Variants in HS3ST4 observed in about 807,000 individuals in gnomAD.
HS3ST4 encodes heparan sulfate glucosamine 3-O-sulfotransferase 4.
HS3ST4 carries 17 observed loss-of-function variants against 29.2 expected under a neutral mutation model. That is an observed-to-expected ratio of 0.58 (90% CI 0.40 to 0.87). The LOEUF (loss-of-function observed/expected upper bound fraction) is 0.87, where lower values mean the gene tolerates loss of function less well. Ranked by LOEUF, HS3ST4 falls within the 40% of genes least tolerant of loss-of-function variation. The pLI, the probability that HS3ST4 is intolerant of heterozygous loss-of-function variation, is 0.00. For missense variants in HS3ST4, 627 were observed against 634.5 expected, an observed-to-expected ratio of 0.99 and a Z score of 0.13; for synonymous variants, 314 against 285.7, an observed-to-expected ratio of 1.10 and a Z score of -1.00.
At chr16:26,118,056 A>G (rs1446651231) in intron 1 of HS3ST4, among the ~76,000 whole-genome samples, 1 of 152,188 alleles carries the variant, frequency 6.6e-6, no homozygotes, top group African/African-American at 2.4e-5. Flanking sequence ...TGGTCACAGA[A>G]AGTCTCTCTT....
At chr16:25,758,676 TG>T (rs1966771686) in intron 1 of HS3ST4, among the ~76,000 whole-genome samples, 3 of 152,068 alleles carry the variant, frequency 2.0e-5, no homozygotes, top group Admixed American at 6.5e-5. Flanking sequence ...GTGTTTGATT[TG>T]AAGCTTGGTG....
intron 1 of HS3ST4, among the ~76,000 whole-genome samples, chr16:26,010,833 A>G (rs551324924): frequency 2.1e-4 from 32 of 152,332 alleles, no homozygotes; most frequent in Non-Finnish European, 1.5e-4. Context: ...AAAAGAAAGT[A>G]TGTTTTAAAG....
In HS3ST4 at chr16:25,782,073, G is replaced by A. The variant is rs191272944; in HGVS notation, c.734+88922G>A. Among the ~76,000 whole-genome samples the A allele has an allele frequency of 3.9e-5, 6 of 152,318 alleles. No individual in the cohort carries two copies. The East Asian group carries it at 1.2e-3, about 29-fold the overall frequency. ...GAAATTTACAATCATGGCAGAAGGT[G>A]AAGGGGAAGCAAGACACCTTCTTCA... On this transcript the variant is annotated intron_variant, in intron 1 of 1. Coordinates refer to ENST00000331351, the MANE Select transcript of HS3ST4 (RefSeq NM_006040.3).
chr16:25,925,826 C>T (rs1034665526), intron 1 of HS3ST4, among the ~76,000 whole-genome samples: 2 of 152,098 alleles, frequency 1.3e-5, no homozygotes, highest in African/African-American at 2.4e-5. Context: ...AGCCCCATGC[C>T]TCGTGGCTTG....
intron 1 of HS3ST4, among the ~76,000 whole-genome samples, chr16:25,880,198 A>C (rs1463067969): frequency 6.6e-6 from 1 of 152,188 alleles, no homozygotes; most frequent in Non-Finnish European, 1.5e-5. Flanking sequence ...TATATTAGTC[A>C]GTAGGTTGTT....
At chr16:25,711,291 C>T (rs916720422) in intron 1 of HS3ST4, among the ~76,000 whole-genome samples, 3 of 152,018 alleles carry the variant, frequency 2.0e-5, no homozygotes, top group Non-Finnish European at 4.4e-5. Context: ...TCAGAGACTG[C>T]ATGACTTAGC....
intron 1 of HS3ST4, among the ~76,000 whole-genome samples, chr16:26,000,358 C>T (rs1969202055): frequency 6.6e-6 from 1 of 152,066 alleles, no homozygotes; most frequent in African/African-American, 2.4e-5. Context: ...GCCCTTCCTC[C>T]ACAGATTCAA....
intron 1 of HS3ST4, among the ~76,000 whole-genome samples, chr16:26,025,885 C>T (rs929925560): frequency 2.6e-5 from 4 of 152,186 alleles, no homozygotes; most frequent in Non-Finnish European, 5.9e-5. Context: ...AAACAATTCT[C>T]CTGCCTCAGC....
intron 1 of HS3ST4, among the ~76,000 whole-genome samples, chr16:25,753,902 G>A (rs1446849466): frequency 6.6e-6 from 1 of 152,138 alleles, no homozygotes; most frequent in African/African-American, 2.4e-5. Flanking sequence ...GGTAGGTATA[G>A]ATCTATAGCA....
At chr16:25,965,416 GT>G in intron 1 of HS3ST4, among the ~76,000 whole-genome samples, 1 of 146,446 alleles carries the variant, frequency 6.8e-6, no homozygotes, top group African/African-American at 2.5e-5. Context: ...AAAAAAAAAA[GT>G]TCCTATAAAT....
At chr16:25,922,226 C>A (rs1442019532) in intron 1 of HS3ST4, among the ~76,000 whole-genome samples, 1 of 152,096 alleles carries the variant, frequency 6.6e-6, no homozygotes, top group African/African-American at 2.4e-5. Context: ...GAAACCTAAT[C>A]CCTGGTGTGA....
intron 1 of HS3ST4, among the ~76,000 whole-genome samples, chr16:26,130,442 C>T (rs1309524984): frequency 6.6e-6 from 1 of 152,110 alleles, no homozygotes; most frequent in Non-Finnish European, 1.5e-5. Flanking sequence ...TGTTTTTCAT[C>T]CAGTAACCAC....
intron 1 of HS3ST4, among the ~76,000 whole-genome samples, chr16:25,887,257 T>A (rs1967963008): frequency 6.6e-6 from 1 of 152,152 alleles, no homozygotes; most frequent in African/African-American, 2.4e-5. Flanking sequence ...ATATCATTTA[T>A]TCAGGAGGGA....
chr16:26,134,639 T>G (rs1898257035), intron 1 of HS3ST4, among the ~76,000 whole-genome samples: 1 of 152,044 alleles, frequency 6.6e-6, no homozygotes, highest in Non-Finnish European at 1.5e-5. Context: ...GGATTTGAGG[T>G]AGGTTTTAGG....
At chr16:25,749,519 AGAAGAGGGAGAG>A (rs1407026297) in intron 1 of HS3ST4, among the ~76,000 whole-genome samples, 2 of 152,004 alleles carry the variant, frequency 1.3e-5, no homozygotes, top group Non-Finnish European at 2.9e-5. Flanking sequence ...AAGAGAAAGA[AGAAGAGGGAGAG>A]GAAGAGGAAG....
At chr16:25,857,748 A>G (rs1967587915) in intron 1 of HS3ST4, among the ~76,000 whole-genome samples, 1 of 152,194 alleles carries the variant, frequency 6.6e-6, no homozygotes, top group Non-Finnish European at 1.5e-5. Flanking sequence ...TACATATAAC[A>G]CACACATATA....
At chr16:26,002,717 A>AAGGGAGGG (rs142930266) in intron 1 of HS3ST4, among the ~76,000 whole-genome samples, 1 of 140,420 alleles carries the variant, frequency 7.1e-6, no homozygotes, top group Non-Finnish European at 1.5e-5. Context: ...GGAAGGAAGG[A>AAGGGAGGG]AGGGAGGGAG....
At chr16:26,118,110 C>T (rs1374347191) in intron 1 of HS3ST4, among the ~76,000 whole-genome samples, 1 of 152,156 alleles carries the variant, frequency 6.6e-6, no homozygotes, top group Admixed American at 6.5e-5. Context: ...CTGTTGCCCA[C>T]TCTGGAGTGC....
chr16:25,771,560 G>A (rs943677934), intron 1 of HS3ST4, among the ~76,000 whole-genome samples: 3 of 152,048 alleles, frequency 2.0e-5, no homozygotes, highest in African/African-American at 7.2e-5. Flanking sequence ...ACTATGGGAA[G>A]CCTTCCTTAT....
Sources: gnomAD v4.1 joint callset for allele counts (sites outside exome capture counted in the v4.1 genomes callset) on GRCh38, gnomAD v4.1.1 for gene constraint, MANE v1.5 for transcripts, NCBI Gene and HGNC (gene_info 2026-07-23, HGNC 2026-07-21) for gene names.